NOL4: variants seen among roughly 807,000 people sequenced by gnomAD.
NOL4 encodes nucleolar protein 4.
Under a neutral mutation model 75.9 loss-of-function variants are expected in NOL4, and 17 were observed. The ratio of observed to expected loss-of-function variants is 0.22; its 90% CI spans 0.15 to 0.34. The LOEUF (loss-of-function observed/expected upper bound fraction) is 0.34. NOL4 is among the 10% of genes least tolerant of loss of function. The pLI is 1.00. For missense variants in NOL4, 614 were observed against 793.5 expected, an observed-to-expected ratio of 0.77 and a Z score of 2.72; for synonymous variants, 292 against 289.9, an observed-to-expected ratio of 1.01 and a Z score of -0.07.
chr18:34,203,717 T>TCTCTCTCTCTCTCTCTCA (rs1261546835), intron 1 of NOL4, among the ~76,000 whole-genome samples: 1 of 72,302 alleles, frequency 1.4e-5, no homozygotes, highest in African/African-American at 5.0e-5. Flanking sequence ...TCTCTCTCTC[T>TCTCTCTCTCTCTCTCTCA]CACACACACA....
chr18:33,925,537 T>C (rs975569729), intron 9 of NOL4, among the ~76,000 whole-genome samples: 1 of 152,178 alleles, frequency 6.6e-6, no homozygotes, highest in Non-Finnish European at 1.5e-5. Context: ...TAGGCAATAA[T>C]TAATGATATA....
At chr18:33,928,822 G>A (rs1023264986) in intron 9 of NOL4, among the ~76,000 whole-genome samples, 1 of 151,710 alleles carries the variant, frequency 6.6e-6, no homozygotes, top group Non-Finnish European at 1.5e-5. Context: ...ATTATAGTTC[G>A]TTAAACTTGA....
At position 34,223,105 on chromosome 18, in the gene NOL4, T is replaced by A. The variant is rs2037438746; in HGVS notation, c.149A>T (p.Asn50Ile). The change falls in exon 1 of 11, where the codon AAC becomes ATC. Residue 50 changes from asparagine to isoleucine, a missense_variant. Transcript: ENST00000261592. ...LNGSESSSTD[N>I]AKFKFWVKSK... The stretch of plus-strand genomic sequence containing the variant: ...TTTGACCCAGAATTTAAATTTGGCG[T>A]TGTCCGTGGAGCTCGACTCGGAGCC... The A allele has an allele frequency of 6.2e-7, 1 of 1,614,176 alleles. No individual in the cohort carries two copies. Among genetic ancestry groups the A allele is most frequent in the African/African-American group, 1.3e-5 (1 of 75,062 alleles).
At chr18:33,928,154 T>C (rs1486069854) in intron 9 of NOL4, among the ~76,000 whole-genome samples, 2 of 152,154 alleles carry the variant, frequency 1.3e-5, no homozygotes, top group African/African-American at 4.8e-5. Flanking sequence ...CTAAAAATAA[T>C]TGGTTTAAAA....
chr18:34,073,284 T>G (rs1402239060), intron 5 of NOL4, among the ~76,000 whole-genome samples: 1 of 151,942 alleles, frequency 6.6e-6, no homozygotes, highest in East Asian at 1.9e-4. Flanking sequence ...AAAGTGTTAT[T>G]CTGAACACTT....
chr18:34,018,592 A>C (rs1307853887), intron 6 of NOL4, among the ~76,000 whole-genome samples: 1 of 152,118 alleles, frequency 6.6e-6, no homozygotes, highest in African/African-American at 2.4e-5. Flanking sequence ...GTTCCAAAGT[A>C]CACCTTCAAA....
intron 2 of NOL4, among the ~76,000 whole-genome samples, chr18:34,115,790 T>G (rs1473138592): frequency 6.6e-6 from 1 of 152,126 alleles, no homozygotes; most frequent in African/African-American, 2.4e-5. Flanking sequence ...TGCTCTAATC[T>G]CACCCTTGGT....
At position 33,909,135 on chromosome 18, in the gene NOL4, A is replaced by G. The variant is rs531633233; in HGVS notation, c.1543-25711T>C. The stretch of plus-strand genomic sequence containing the variant: ...AAAATATGCACATATGCACCTATCA[A>G]TGTTATTTAACACTACTTGGATTTG... On this transcript the variant is annotated intron_variant, in intron 9 of 10. Transcript: ENST00000261592. Among the ~76,000 whole-genome samples the G allele has an allele frequency of 5.3e-4, 80 of 152,228 alleles. 1 individual carries two copies. The highest frequency in any genetic ancestry group is 4.2e-3 in the East Asian group (22 of 5,180).
Position 34,110,128 on chromosome 18 carries a change from CAAAAAAAAAAAAAAAAAAA to C in NOL4, c.415-4987_415-4969del, listed in dbSNP as rs57576599. 4.4e-4 allele frequency among the ~76,000 whole-genome samples: 21 copies of C among 47,864 alleles called. No homozygotes were observed. The South Asian group carries it at 0.013, about 30-fold the overall frequency. 31.4% of individuals were successfully genotyped at this position (47,864 alleles called of 152,430 possible). ...AACTCCTTCCATCCCCGCCCTCCCA[CAAAAAAAAAAAAAAAAAAA>C]AAAAAAAAAAAAAAAATACTGGGTA... On this transcript the variant is annotated intron_variant, in intron 2 of 10. Coordinates refer to ENST00000261592, the MANE Select transcript of NOL4 (RefSeq NM_003787.5).
intron 10 of NOL4, among the ~76,000 whole-genome samples, chr18:33,878,327 C>A (rs192027775): frequency 6.6e-6 from 1 of 151,974 alleles, no homozygotes; most frequent in African/African-American, 2.4e-5. Context: ...TATTTGTATA[C>A]GTTATCTTTC....
At chr18:33,896,525 T>C (rs572690351) in intron 9 of NOL4, among the ~76,000 whole-genome samples, 5 of 152,186 alleles carry the variant, frequency 3.3e-5, no homozygotes, top group Admixed American at 3.3e-4. Context: ...AAACAAGCAA[T>C]GAGGAAAAGA....
intron 1 of NOL4, chr18:34,222,134 G>C: frequency 6.5e-7 from 1 of 1,530,610 alleles, no homozygotes; most frequent in Non-Finnish European, 8.7e-7. Context: ...AGCCCCACTG[G>C]CTTCTGCAGC....
At chr18:33,861,029 G>T (rs544945613) in intron 10 of NOL4, among the ~76,000 whole-genome samples, 2 of 152,162 alleles carry the variant, frequency 1.3e-5, no homozygotes, top group African/African-American at 4.8e-5. Context: ...TGCTGGATTC[G>T]GTTTGCCAGT....
At chr18:33,973,392 C>T (rs2071232748) in intron 6 of NOL4, among the ~76,000 whole-genome samples, 1 of 152,168 alleles carries the variant, frequency 6.6e-6, no homozygotes, top group Non-Finnish European at 1.5e-5. Flanking sequence ...ATCTCAAAGT[C>T]ATTCATGAGG....
intron 9 of NOL4, among the ~76,000 whole-genome samples, chr18:33,906,517 C>T (rs2066056120): frequency 6.6e-6 from 1 of 152,162 alleles, no homozygotes. Context: ...GACTTTAAAA[C>T]CAAACAATTC....
At chr18:34,218,518 T>A (rs2037073316) in intron 1 of NOL4, among the ~76,000 whole-genome samples, 1 of 152,214 alleles carries the variant, frequency 6.6e-6, no homozygotes, top group Non-Finnish European at 1.5e-5. Flanking sequence ...GAATGGCCTT[T>A]ACTACTGGTC....
chr18:33,928,219 CCT>C (rs775300109), intron 9 of NOL4, among the ~76,000 whole-genome samples: 36 of 152,136 alleles, frequency 2.4e-4, no homozygotes, highest in Non-Finnish European at 4.0e-4. Flanking sequence ...CATATGTTTC[CCT>C]GTCTTTGGCA....
At chr18:34,159,384 A>C (rs987621670) in intron 1 of NOL4, among the ~76,000 whole-genome samples, 1 of 151,954 alleles carries the variant, frequency 6.6e-6, no homozygotes, top group African/African-American at 2.4e-5. Flanking sequence ...TGGGGCCTGG[A>C]TGAGATCTGC....
intron 9 of NOL4, among the ~76,000 whole-genome samples, chr18:33,891,906 AT>A (rs1388436293): frequency 6.6e-6 from 1 of 152,096 alleles, no homozygotes. Flanking sequence ...TCAGACATGG[AT>A]TTGCATTATT....
Sources: gnomAD v4.1 joint callset for allele counts (sites outside exome capture counted in the v4.1 genomes callset) on GRCh38, gnomAD v4.1.1 for gene constraint, MANE v1.5 for transcripts, NCBI Gene and HGNC (gene_info 2026-07-23, HGNC 2026-07-21) for gene names.